LRRC7: variants seen among roughly 807,000 people sequenced by gnomAD.
LRRC7 encodes leucine-rich repeat-containing protein 7.
In LRRC7, 23 loss-of-function variants were observed where a neutral mutation model predicts 175.7. The observed-to-expected ratio is 0.13, with a 90% CI of 0.09 to 0.19. LRRC7 has a LOEUF of 0.19. LRRC7 is among the 10% of genes least tolerant of loss of function. LRRC7 has a pLI of 1.00. For missense variants in LRRC7, 1,354 were observed against 1,904.7 expected (o/e 0.71, Z 5.38); for synonymous variants, 685 against 680.9 (o/e 1.01, Z -0.09).
At chr1:69,735,017 A>G (rs1042839544) in intron 2 of LRRC7, among the ~76,000 whole-genome samples, 5 of 151,956 alleles carry the variant, frequency 3.3e-5, no homozygotes, top group Non-Finnish European at 5.9e-5. Context: ...ACCTAGATTC[A>G]CCAATTGCCA....
At chr1:69,740,207 C>T (rs1382752857) in intron 2 of LRRC7, among the ~76,000 whole-genome samples, 1 of 152,054 alleles carries the variant, frequency 6.6e-6, no homozygotes, top group Non-Finnish European at 1.5e-5. Context: ...AATTAATTTC[C>T]TCCTAGTTCT....
chr1:69,916,208 A>ATTATATAC (rs1646706828), intron 7 of LRRC7, among the ~76,000 whole-genome samples: 1 of 6,150 alleles, frequency 1.6e-4, no homozygotes, highest in African/African-American at 3.9e-4. Context: ...ATATAAAAAT[A>ATTATATAC]AAATTTTATT....
intron 1 of LRRC7, among the ~76,000 whole-genome samples, chr1:69,578,144 C>G (rs1190919877): frequency 3.3e-5 from 5 of 152,044 alleles, no homozygotes; most frequent in Non-Finnish European, 7.4e-5. Flanking sequence ...CATGAACAGA[C>G]ACTTCTCAAA....
At chr1:69,801,064 T>G (rs768296024) in intron 4 of LRRC7, among the ~76,000 whole-genome samples, 2 of 151,756 alleles carry the variant, frequency 1.3e-5, no homozygotes, top group Non-Finnish European at 3.0e-5. Context: ...TGAACCATCT[T>G]CACACACTTT....
intron 2 of LRRC7, among the ~76,000 whole-genome samples, chr1:69,714,621 A>G (rs1478749588): frequency 6.6e-6 from 1 of 152,124 alleles, no homozygotes; most frequent in Non-Finnish European, 1.5e-5. Flanking sequence ...TAGCGGGAGG[A>G]ACAACATGAA....
At chr1:69,713,306 T>A (rs1013963850) in intron 2 of LRRC7, among the ~76,000 whole-genome samples, 1 of 149,830 alleles carries the variant, frequency 6.7e-6, no homozygotes, top group Non-Finnish European at 1.5e-5. Flanking sequence ...GGAAGCATAG[T>A]GAGACTTGGT....
At position 70,139,570 on chromosome 1, in the gene LRRC7, GGAA is replaced by G. The variant is rs769631409; in HGVS notation, c.*17689_*17691del. On this transcript the variant is annotated 3_prime_UTR_variant, in exon 27 of 27. Coordinates refer to ENST00000651989, the MANE Select transcript of LRRC7 (RefSeq NM_001370785.2). ...TTTTAGTTTTTCCTTTGTGGGTGAG[GGAA>G]GAAGAGGACATCAGGTGAAGTGTGC... 32 of 152,170 alleles carry G rather than the reference GGAA, an allele frequency of 2.1e-4. No individual in the cohort carries two copies. Among genetic ancestry groups the G allele is most frequent in the Non-Finnish European group, 4.1e-4 (28 of 68,064 alleles). The allele number at this position is 152,170 out of a possible 1,614,324, so 9.4% of individuals were successfully genotyped here.
At chr1:69,704,584 G>A (rs955013304) in intron 2 of LRRC7, among the ~76,000 whole-genome samples, 14 of 151,614 alleles carry the variant, frequency 9.2e-5, no homozygotes, top group African/African-American at 2.9e-4. Flanking sequence ...CTGAAATCTA[G>A]TATTTTAGTA....
intron 2 of LRRC7, chr1:69,716,306 G>A (rs1665341437): frequency 7.3e-6 from 3 of 409,926 alleles, no homozygotes; most frequent in South Asian, 1.2e-4. Flanking sequence ...AAATAGTCTT[G>A]TAATTTTAAA....
intron 21 of LRRC7, among the ~76,000 whole-genome samples, chr1:70,040,243 C>T (rs1037252602): frequency 6.6e-6 from 1 of 152,106 alleles, no homozygotes; most frequent in African/African-American, 2.4e-5. Context: ...ATAAAATTTG[C>T]ACATAGTTAC....
At chr1:70,032,086 C>T (rs1030352761) in intron 18 of LRRC7, among the ~76,000 whole-genome samples, 8 of 152,134 alleles carry the variant, frequency 5.3e-5, no homozygotes, top group South Asian at 4.1e-4. Flanking sequence ...CGTGAGCCAC[C>T]GCTCCCGGCC....
intron 7 of LRRC7, among the ~76,000 whole-genome samples, chr1:69,905,837 A>T (rs1646288722): frequency 6.6e-6 from 1 of 152,308 alleles, no homozygotes. Context: ...CACCACACTG[A>T]CTTCCACAAG....
chr1:70,048,813 A>C (rs1258451415), intron 22 of LRRC7, among the ~76,000 whole-genome samples: 1 of 152,082 alleles, frequency 6.6e-6, no homozygotes, highest in East Asian at 1.9e-4. Flanking sequence ...ATCACCAAGA[A>C]TTATTTTTGG....
intron 2 of LRRC7, among the ~76,000 whole-genome samples, chr1:69,721,630 C>T (rs948774212): frequency 3.0e-4 from 45 of 151,728 alleles, no homozygotes; most frequent in Admixed American, 2.1e-3. Context: ...TTAATGGCCA[C>T]ATTCGATTTT....
chr1:69,758,654 C>T (rs892371122), intron 2 of LRRC7, among the ~76,000 whole-genome samples: 5 of 151,984 alleles, frequency 3.3e-5, no homozygotes, highest in African/African-American at 1.2e-4. Context: ...TCCTCACCCT[C>T]ATTCCACCCT....
chr1:70,135,301 G>A lies in LRRC7; in HGVS notation c.*13414G>A, dbSNP rs979322176. Among the ~76,000 whole-genome samples the A allele has an allele frequency of 5.9e-5, 9 of 152,138 alleles. No homozygotes were observed. The highest frequency in any genetic ancestry group is 2.9e-5 in the Non-Finnish European group (2 of 68,022). ...GGCTATGATCATCTCCTCAAAGCAC[G>A]GGGGCTTGTGGCTTATTCTTTTCAC... On this transcript the variant is annotated 3_prime_UTR_variant, in exon 27 of 27. Coordinates refer to ENST00000651989, the MANE Select transcript of LRRC7 (RefSeq NM_001370785.2).
At chr1:69,787,457 C>A (rs952817770) in intron 3 of LRRC7, among the ~76,000 whole-genome samples, 1 of 152,188 alleles carries the variant, frequency 6.6e-6, no homozygotes, top group Non-Finnish European at 1.5e-5. Context: ...CCATGAGGGC[C>A]CTGCCCCTGC....
In LRRC7 at chr1:69,686,848, G is replaced by T. The variant is rs572556583; in HGVS notation, c.100+8370G>T. Among the ~76,000 whole-genome samples the T allele has an allele frequency of 1.4e-4, 22 of 151,972 alleles. No homozygotes were observed. The South Asian group carries it at 1.7e-3, about 11-fold the overall frequency. On this transcript the variant is annotated intron_variant, in intron 2 of 26. Transcript: ENST00000651989. ...AAAAAAGAAAGACCAACTATATGTT[G>T]CTTATAAAAATGTCCTTTAGATGCA...
chr1:69,862,852 T>C (rs1324334977), intron 7 of LRRC7, among the ~76,000 whole-genome samples: 1 of 151,668 alleles, frequency 6.6e-6, no homozygotes, highest in African/African-American at 2.4e-5. Flanking sequence ...CAAGCCCCTG[T>C]GTGTGATGTT....
Sources: allele counts gnomAD v4.1 joint callset (sites outside exome capture counted in the v4.1 genomes callset), GRCh38; gene constraint gnomAD v4.1.1; transcripts MANE v1.5; gene names NCBI Gene and HGNC (gene_info 2026-07-23, HGNC 2026-07-21).